NCAPD2: variants seen among roughly 807,000 people sequenced by gnomAD.
NCAPD2 encodes the protein non-SMC condensin I complex subunit D2.
Under a neutral mutation model 164.5 loss-of-function variants are expected in NCAPD2, and 100 were observed. That is an observed-to-expected ratio of 0.61 (90% CI 0.52 to 0.72). The LOEUF is 0.72. NCAPD2 is among the 30% of genes least tolerant of loss of function. The pLI is 0.00. For missense variants in NCAPD2, 1,560 were observed against 1,749.2 expected (o/e 0.89, Z 1.93); for synonymous variants, 585 against 642.6 (o/e 0.91, Z 1.36).
At chr12:6,514,174 G>A in intron 6 of NCAPD2, 91 bp from the exon 7 acceptor site, 1 of 1,533,908 alleles carries the variant, frequency 6.5e-7, no homozygotes, top group Non-Finnish European at 8.9e-7. Context: ...CCTGACTTTG[G>A]GAGCAGTAGG....
At chr12:6,510,870 A>T (rs1946140202) in intron 5 of NCAPD2, 60 bp downstream of exon 5, 1 of 1,542,518 alleles carries the variant, frequency 6.5e-7, no homozygotes, top group African/African-American at 1.4e-5. Context: ...GAATAGATGG[A>T]AAAGAAGGGA....
intron 22 of NCAPD2, 73 bp from the exon 23 acceptor site, chr12:6,527,704 C>T (rs1946329352): frequency 2.1e-6 from 3 of 1,410,460 alleles, no homozygotes; most frequent in South Asian, 2.6e-5. Context: ...TTTGTTCATG[C>T]AAAACAAAGT....
At chr12:6,503,008 C>CTTTTTTTTTTTTTT (rs58563520) in intron 2 of NCAPD2, among the ~76,000 whole-genome samples, 9 of 86,300 alleles carry the variant, frequency 1.0e-4, no homozygotes, top group Middle Eastern at 9.4e-3. Context: ...CCACACCTGG[C>CTTTTTTTTTTTTTT]TTTTTTTTTT....
intron 15 of NCAPD2, among the ~76,000 whole-genome samples, chr12:6,522,510 G>C (rs909337669): frequency 6.6e-6 from 1 of 151,822 alleles, no homozygotes; most frequent in African/African-American, 2.4e-5. Context: ...GCTTGAGCCC[G>C]GGAGTTTGAG....
intron 4 of NCAPD2, 107 bp from the exon 5 acceptor site, chr12:6,510,522 G>GA (rs1565541417): frequency 7.6e-7 from 1 of 1,323,788 alleles, no homozygotes; most frequent in East Asian, 2.3e-5. Context: ...ACTGAGAGAT[G>GA]AAACACAGAT....
rs1234804016 is a variant in NCAPD2, at chr12:6,499,123, G to A, written c.127+3898G>A. ...ATGGTTCACATCCCAGGCAGGAGGC[G>A]GCAGGGCAGCACCAGATTTTATGCT... On this transcript the variant is annotated intron_variant, in intron 2 of 31. Coordinates refer to ENST00000315579, the MANE Select transcript of NCAPD2 (RefSeq NM_014865.4). 3.9e-5 allele frequency among the ~76,000 whole-genome samples: 6 copies of A among 152,154 alleles called. No individual in the cohort carries two copies. The East Asian group carries it at 9.7e-4, about 25-fold the overall frequency.
chr12:6,520,794 CA>C (rs1216265226), intron 13 of NCAPD2, among the ~76,000 whole-genome samples, 191 bp from the exon 14 acceptor site: 1 of 152,010 alleles, frequency 6.6e-6, no homozygotes, highest in Non-Finnish European at 1.5e-5. Context: ...GATGAGCAGT[CA>C]GGGGAAAAAA....
At chr12:6,526,409 C>CT (rs761145876) in intron 20 of NCAPD2, 38 bp downstream of exon 20, 1 of 1,614,148 alleles carries the variant, frequency 6.2e-7, no homozygotes, top group Non-Finnish European at 8.5e-7. Context: ...GAATTGGGCC[C>CT]TTTGTTGCAG....
At chr12:6,512,727 G>A (rs1265702278) in intron 6 of NCAPD2, among the ~76,000 whole-genome samples, 2 of 152,342 alleles carry the variant, frequency 1.3e-5, no homozygotes, top group South Asian at 4.1e-4. Flanking sequence ...GACTATGGAG[G>A]GAAAGGGGAA....
chr12:6,526,570 G>C lies in NCAPD2; in HGVS notation c.2689G>C (p.Ala897Pro), dbSNP rs760940470. Residue 897 changes from alanine to proline, a missense_variant, in exon 21 of 32, where the codon GCC becomes CCC. By Grantham distance (27) the Ala-to-Pro change is conservative. Coordinates refer to ENST00000315579, the MANE Select transcript of NCAPD2 (RefSeq NM_014865.4). Reference sequence around the variant, plus strand: ...GATATTGCAGGGCTGTGCAAAACAGGCCCTGGAGAAGCTAGAAGAGAAGAG... The same window carrying C: ...GATATTGCAGGGCTGTGCAAAACAGCCCCTGGAGAAGCTAGAAGAGAAGAG... The part of the protein sequence containing the change: ...AQILQGCAKQ[A>P]LEKLEEKRTS... The C allele has an allele frequency of 6.2e-7, 1 of 1,614,158 alleles. No individual in the cohort carries two copies. Among genetic ancestry groups the C allele is most frequent in the Non-Finnish European group, 8.5e-7 (1 of 1,180,022 alleles).
Position 6,510,624 on chromosome 12 carries a change from C to T in NCAPD2, c.263-5C>T, listed in dbSNP as rs1321939036. ...AAACTGACTCCAAGATTCTGCCCCT[C>T]ACAGTGGTATCCCGCCACTCCCAGG... On this transcript the variant is annotated splice_region_variant and splice_polypyrimidine_tract_variant and intron_variant, in intron 4 of 31. Transcript: ENST00000315579. 1 of 1,614,076 alleles carries T rather than the reference C, an allele frequency of 6.2e-7. No individual in the cohort carries two copies. The highest frequency in any genetic ancestry group is 8.5e-7 in the Non-Finnish European group (1 of 1,179,994).
chr12:6,520,225 C>T (rs1946252303), intron 13 of NCAPD2, among the ~76,000 whole-genome samples: 1 of 150,934 alleles, frequency 6.6e-6, no homozygotes, highest in South Asian at 2.1e-4. Flanking sequence ...TATATTTATA[C>T]ATAAATAGTT....
intron 2 of NCAPD2, among the ~76,000 whole-genome samples, chr12:6,506,447 G>A (rs1023681344): frequency 1.3e-5 from 2 of 151,910 alleles, no homozygotes; most frequent in African/African-American, 4.8e-5. Flanking sequence ...AAAATTAGCC[G>A]GGCATGGTGG....
At chr12:6,495,313 A>G (rs1945968676) in intron 2 of NCAPD2, 88 bp downstream of exon 2, 7 of 1,495,624 alleles carry the variant, frequency 4.7e-6, no homozygotes, top group Non-Finnish European at 6.4e-6. Flanking sequence ...GTTCCACTAC[A>G]CCAGGAAGCA....
rs989796686 is a variant in NCAPD2, at chr12:6,499,122, C to T, written c.127+3897C>T. Among the ~76,000 whole-genome samples the T allele has an allele frequency of 3.3e-5, 5 of 152,162 alleles. No homozygotes were observed. The South Asian group carries it at 8.3e-4, about 25-fold the overall frequency. ...GATGGTTCACATCCCAGGCAGGAGG[C>T]GGCAGGGCAGCACCAGATTTTATGC... On this transcript the variant is annotated intron_variant, in intron 2 of 31. Transcript: ENST00000315579.
rs71579329 is a variant in NCAPD2 at position 6,530,873 on chromosome 12, G to T, written c.3965-48G>T. 2,222 of 1,613,258 alleles carry T rather than the reference G, an allele frequency of 1.4e-3. 28 individuals carry two copies. The African/African-American group carries it at 0.02, about 15-fold the overall frequency. On this transcript the variant is annotated intron_variant, in intron 30 of 31. Coordinates refer to ENST00000315579, the MANE Select transcript of NCAPD2 (RefSeq NM_014865.4). The stretch of plus-strand genomic sequence containing the variant: ...AGACTGGGCCCTCCCCTCCTGCAGT[G>T]ATTTGTTTCTTCTTCTTTTTTAAAT...
intron 10 of NCAPD2, 28 bp from the exon 11 acceptor site, chr12:6,517,337 C>T: frequency 6.2e-7 from 1 of 1,607,984 alleles, no homozygotes. Flanking sequence ...GGGACTTGAG[C>T]AGATTCTTCT....
intron 2 of NCAPD2, among the ~76,000 whole-genome samples, chr12:6,501,056 CT>C (rs35142882): frequency 0.35 from 44,645 of 126,838 alleles, 6,852 homozygotes; most frequent in East Asian, 0.41. Flanking sequence ...GATTACAAGG[CT>C]TTTTTTTTTT....
intron 2 of NCAPD2, among the ~76,000 whole-genome samples, chr12:6,504,034 T>A (rs1475015707): frequency 1.3e-5 from 2 of 151,678 alleles, no homozygotes; most frequent in Non-Finnish European, 2.9e-5. Context: ...ACACCTCCCA[T>A]TAGACTCCAC....
Sources: allele counts gnomAD v4.1 joint callset (sites outside exome capture counted in the v4.1 genomes callset), GRCh38; gene constraint gnomAD v4.1.1; transcripts MANE v1.5; gene names NCBI Gene and HGNC (gene_info 2026-07-23, HGNC 2026-07-21).